MAP3K5: variants seen among roughly 807,000 people sequenced by gnomAD.
MAP3K5 encodes the protein mitogen-activated protein kinase kinase kinase 5, also known as ASK-1.
A neutral mutation model predicts 158.7 loss-of-function variants in MAP3K5; 56 were observed. That is an observed-to-expected ratio of 0.35 (90% confidence interval 0.28 to 0.44). The LOEUF (loss-of-function observed/expected upper bound fraction) is 0.44. MAP3K5 is among the 20% of genes least tolerant of loss of function. The pLI, the probability that MAP3K5 is intolerant of heterozygous loss-of-function variation, is 1.00. For missense variants in MAP3K5, 1,294 were observed against 1,674.8 expected, an observed-to-expected ratio of 0.77 and a Z score of 3.97; for synonymous variants, 579 against 601.7, an observed-to-expected ratio of 0.96 and a Z score of 0.55.
intron 17 of MAP3K5, among the ~76,000 whole-genome samples, chr6:136,611,830 C>T (rs552950730): frequency 8.7e-4 from 133 of 152,166 alleles, no homozygotes; most frequent in Non-Finnish European, 1.5e-3. Context: ...GCCTAAAGTC[C>T]GCTAAGATGT....
At chr6:136,721,409 T>C (rs982863153) in intron 1 of MAP3K5, among the ~76,000 whole-genome samples, 2 of 151,788 alleles carry the variant, frequency 1.3e-5, no homozygotes, top group Admixed American at 6.6e-5. Flanking sequence ...ATAGAAAATA[T>C]AACAAAGGGG....
At chr6:136,660,269 A>G (rs1778946991) in intron 8 of MAP3K5, among the ~76,000 whole-genome samples, 1 of 152,190 alleles carries the variant, frequency 6.6e-6, no homozygotes. Context: ...ATAAGGAAAT[A>G]TGCCTGACAC....
At chr6:136,721,479 G>C (rs1781744681) in intron 1 of MAP3K5, among the ~76,000 whole-genome samples, 1 of 151,964 alleles carries the variant, frequency 6.6e-6, no homozygotes, top group Non-Finnish European at 1.5e-5. Flanking sequence ...CAAGGTAGTA[G>C]AAATTTGATA....
At chr6:136,687,004 T>G (rs752460093) in intron 7 of MAP3K5, among the ~76,000 whole-genome samples, 24 of 152,082 alleles carry the variant, frequency 1.6e-4, no homozygotes, top group Non-Finnish European at 3.2e-4. Context: ...GGAGGCATCA[T>G]GCTACCTGAC....
At position 136,780,532 on chromosome 6, in the gene MAP3K5, T is replaced by C. The variant is rs115899390; in HGVS notation, c.448+11178A>G. ...GGCATATGTTTATATTTGTAGAGAG[T>C]TGTTATTTTAGATTGTCGTAAATTA... On this transcript the variant is annotated intron_variant, in intron 1 of 29. Coordinates refer to ENST00000359015, the MANE Select transcript of MAP3K5 (RefSeq NM_005923.4). Among the ~76,000 whole-genome samples, 426 of 152,254 alleles carry C rather than the reference T, an allele frequency of 2.8e-3. 4 individuals carry two copies. The highest frequency in any genetic ancestry group is 9.7e-3 in the African/African-American group (403 of 41,530).
At chr6:136,728,271 CAT>C (rs1782062132) in intron 1 of MAP3K5, among the ~76,000 whole-genome samples, 2 of 152,148 alleles carry the variant, frequency 1.3e-5, no homozygotes, top group South Asian at 2.1e-4. Context: ...AAATATCTCA[CAT>C]GAGTTGCTGC....
At chr6:136,742,019 T>G (rs1161849132) in intron 1 of MAP3K5, among the ~76,000 whole-genome samples, 1 of 152,186 alleles carries the variant, frequency 6.6e-6, no homozygotes, top group Non-Finnish European at 1.5e-5. Flanking sequence ...TTGAGAGATA[T>G]TCCATGTTCA....
intron 25 of MAP3K5, 107 bp downstream of exon 25, chr6:136,580,194 G>A (rs2129074883): frequency 1.4e-6 from 1 of 718,872 alleles, no homozygotes. Context: ...TTTAAAAAAG[G>A]GTATTATGGT....
intron 7 of MAP3K5, among the ~76,000 whole-genome samples, chr6:136,670,183 T>A (rs1779422084): frequency 6.6e-6 from 1 of 152,156 alleles, no homozygotes; most frequent in African/African-American, 2.4e-5. Context: ...AGTATCAACC[T>A]TTGAAAATAC....
intron 1 of MAP3K5, among the ~76,000 whole-genome samples, chr6:136,758,499 T>A (rs1375888611): frequency 3.9e-5 from 6 of 152,242 alleles, no homozygotes; most frequent in Non-Finnish European, 7.3e-5. Context: ...CCCATTTTTT[T>A]AAAAAAGCCA....
chr6:136,653,462 T>C (rs1050488411), intron 10 of MAP3K5, among the ~76,000 whole-genome samples: 1 of 152,196 alleles, frequency 6.6e-6, no homozygotes, highest in Admixed American at 6.5e-5. Context: ...CTGCAACCTT[T>C]GTAGTGTGAG....
intron 1 of MAP3K5, among the ~76,000 whole-genome samples, chr6:136,778,669 T>C (rs1784490071): frequency 6.6e-6 from 1 of 152,210 alleles, no homozygotes; most frequent in Non-Finnish European, 1.5e-5. Context: ...AAAATGTATT[T>C]CTGTGAGACA....
Position 136,609,476 on chromosome 6 carries a change from C to T in MAP3K5, c.2521+1806G>A, listed in dbSNP as rs190739785. Among the ~76,000 whole-genome samples, 207 of 152,124 alleles carry T rather than the reference C, an allele frequency of 1.4e-3. No individual in the cohort carries two copies. Among genetic ancestry groups the T allele is most frequent in the Non-Finnish European group, 2.2e-3 (149 of 67,998 alleles). On this transcript the variant is annotated intron_variant, in intron 18 of 29. Transcript: ENST00000359015. This position sits in a 1 kb window ranked among gnomAD's most constrained non-coding sequence, Gnocchi z 4.4. Reference sequence around the variant, plus strand: ...ATGGACTAGAGCCAGAAGGTAAAAGCAAAGAGCAAACAGTAGATACAAAAT... The same window carrying T: ...ATGGACTAGAGCCAGAAGGTAAAAGTAAAGAGCAAACAGTAGATACAAAAT...
Position 136,622,886 on chromosome 6 carries a change from G to A in MAP3K5, c.2112C>T (p.Val704=). 6.3e-7 allele frequency: 1 copy of A among 1,592,262 alleles called. No individual in the cohort carries two copies. The highest frequency in any genetic ancestry group is 8.6e-7 in the Non-Finnish European group (1 of 1,166,568). The change falls in exon 15 of 30, where the codon GTC becomes GTT. Residue 704 remains valine (V), a synonymous_variant. Transcript: ENST00000359015. ...VYAGRDLSNQ[V]RIAIKEIPER... is the part of the protein sequence containing the mutation. ...CTGGGATTTCCTTAATAGCAATTCT[G>A]ACTTGGTTGCTCAAGTCCCGACCTG...
chr6:136,585,469 TTTTCTTTATTTATTTA>T (rs1264547972), intron 23 of MAP3K5, among the ~76,000 whole-genome samples: 32 of 131,426 alleles, frequency 2.4e-4, no homozygotes, highest in Non-Finnish European at 4.1e-4. Context: ...CTTTCTTTTC[TTTTCTTTATTTATTTA>T]TTTATTTATT....
Position 136,749,688 on chromosome 6 carries a change from G to A in MAP3K5, c.449-29099C>T, listed in dbSNP as rs547527142. 2.6e-5 allele frequency among the ~76,000 whole-genome samples: 4 copies of A among 152,030 alleles called. No individual in the cohort carries two copies. In the South Asian group the frequency reaches 8.3e-4, roughly 32 times the overall value. On this transcript the variant is annotated intron_variant, in intron 1 of 29. Coordinates refer to ENST00000359015, the MANE Select transcript of MAP3K5 (RefSeq NM_005923.4). ...TTAAAATCTGTCATTTTTTTAATCA[G>A]TCTTGTCCAATAGAATGTGAACTTT... is the stretch of plus-strand genomic sequence containing the variant.
chr6:136,774,842 T>C (rs1163467080), intron 1 of MAP3K5, among the ~76,000 whole-genome samples: 1 of 152,234 alleles, frequency 6.6e-6, no homozygotes, highest in African/African-American at 2.4e-5. Context: ...TATATTCTAA[T>C]GATTCTTTAA....
chr6:136,741,049 A>G (rs1229564967), intron 1 of MAP3K5, among the ~76,000 whole-genome samples: 7 of 152,160 alleles, frequency 4.6e-5, no homozygotes, highest in African/African-American at 7.2e-5. Context: ...TTTTCCATCA[A>G]TAAGACTGTC....
intron 3 of MAP3K5, among the ~76,000 whole-genome samples, chr6:136,704,319 T>A (rs992598051): frequency 1.2e-4 from 18 of 152,226 alleles, no homozygotes; most frequent in African/African-American, 3.9e-4. Flanking sequence ...GGAGAGACGA[T>A]CTAGAAAACC....
Sources: gnomAD v4.1 joint callset for allele counts (sites outside exome capture counted in the v4.1 genomes callset) on GRCh38, gnomAD v4.1.1 for gene constraint, Gnocchi (gnomAD v3.1) non-coding constraint, MANE v1.5 for transcripts, NCBI Gene and HGNC (gene_info 2026-07-23, HGNC 2026-07-21) for gene names.